The following TPTE variants were observed in gnomAD, a reference collection of about 807,000 sequenced individuals.
The protein encoded by TPTE is transmembrane phosphatase with tensin homology.
A neutral mutation model predicts 84.1 loss-of-function variants in TPTE; 59 were observed. The ratio of observed to expected loss-of-function variants is 0.70; its 90% CI spans 0.57 to 0.87. TPTE has a LOEUF of 0.87. Among genes scored for constraint, TPTE ranks in the 40% least tolerant of loss-of-function variants. The pLI is 0.00. For missense variants in TPTE, 382 were observed against 659.6 expected (o/e 0.58, Z 4.61); for synonymous variants, 130 against 223.5 (o/e 0.58, Z 3.73).
chr21:10,582,548 CTT>C (rs2075289276), intron 17 of TPTE, among the ~76,000 whole-genome samples: 1 of 152,304 alleles, frequency 6.6e-6, no homozygotes, highest in African/African-American at 2.4e-5. Flanking sequence ...GAAGTGACAA[CTT>C]TGCGATATTG....
chr21:10,527,157 T>TCACA (rs58743171), intron 2 of TPTE, among the ~76,000 whole-genome samples, 198 bp from the exon 3 acceptor site: 5,648 of 146,500 alleles, frequency 0.039, 3 homozygotes, highest in Admixed American at 0.11. Context: ...TCTCTCTCTC[T>TCACA]CACACACACA....
chr21:10,546,565 CAAAA>C (rs2074472216), intron 7 of TPTE, among the ~76,000 whole-genome samples: 1 of 152,292 alleles, frequency 6.6e-6, no homozygotes, highest in African/African-American at 2.4e-5. Context: ...AAAACAAAAA[CAAAA>C]CAAAACAGAA....
intron 7 of TPTE, among the ~76,000 whole-genome samples, chr21:10,548,121 T>G (rs1407737015): frequency 3.3e-5 from 5 of 152,200 alleles, no homozygotes; most frequent in Admixed American, 6.5e-5. Flanking sequence ...CACCACCGAG[T>G]GGGCCTTGCA....
intron 8 of TPTE, among the ~76,000 whole-genome samples, chr21:10,559,089 G>A (rs1568972802): frequency 1.3e-5 from 2 of 152,308 alleles, no homozygotes; most frequent in African/African-American, 4.8e-5. Flanking sequence ...TTATTTTATT[G>A]CAGTGGAAAC....
intron 3 of TPTE, among the ~76,000 whole-genome samples, chr21:10,536,003 C>T (rs1469806448): frequency 6.6e-6 from 1 of 152,306 alleles, no homozygotes; most frequent in African/African-American, 2.4e-5. Context: ...ACTGGCCAGG[C>T]ATGGTGGCTC....
In TPTE at chr21:10,542,378, C is replaced by A. The variant is rs1600871301; in HGVS notation, c.66-17C>A. On this transcript the variant is annotated splice_polypyrimidine_tract_variant and intron_variant, in intron 5 of 23. Coordinates refer to ENST00000618007, the MANE Select transcript of TPTE (RefSeq NM_199261.4). The stretch of plus-strand genomic sequence containing the variant: ...ATTATGTCTCCTCTCTGACTGTTTT[C>A]TCTTATCATCCACTAGTCCACAGAC... 1 of 1,610,280 alleles carries A rather than the reference C, an allele frequency of 6.2e-7. No individual in the cohort carries two copies. The highest frequency in any genetic ancestry group is 8.5e-7 in the Non-Finnish European group (1 of 1,177,296).
At chr21:10,531,670 GTTA>G (rs1250707873) in intron 3 of TPTE, among the ~76,000 whole-genome samples, 1 of 152,312 alleles carries the variant, frequency 6.6e-6, no homozygotes, top group African/African-American at 2.4e-5. Context: ...TCATCTGCCT[GTTA>G]GCTTTGGCAT....
intron 20 of TPTE, among the ~76,000 whole-genome samples, chr21:10,596,466 GA>G: frequency 6.6e-6 from 1 of 151,956 alleles, no homozygotes; most frequent in Non-Finnish European, 1.5e-5. Context: ...CTCTAGTTCA[GA>G]GTTTGCCTTG....
intron 4 of TPTE, among the ~76,000 whole-genome samples, chr21:10,539,441 C>T (rs576964764): frequency 4.7e-4 from 71 of 152,400 alleles, no homozygotes; most frequent in Middle Eastern, 3.4e-3. Flanking sequence ...AAAGACTTGA[C>T]GGAGAGATCC....
At chr21:10,530,730 C>T (rs1185669841) in intron 3 of TPTE, among the ~76,000 whole-genome samples, 1 of 152,310 alleles carries the variant, frequency 6.6e-6, no homozygotes, top group Non-Finnish European at 1.5e-5. Flanking sequence ...TGACTGAATA[C>T]TGCCTATTGC....
chr21:10,575,368 A>C (rs1180266777), intron 14 of TPTE, among the ~76,000 whole-genome samples: 7 of 152,302 alleles, frequency 4.6e-5, no homozygotes, highest in African/African-American at 1.4e-4. Context: ...TCTCTCCCTG[A>C]AATGGAGCTC....
chr21:10,556,686 C>T (rs1210627811), intron 8 of TPTE, among the ~76,000 whole-genome samples: 3 of 152,312 alleles, frequency 2.0e-5, no homozygotes, highest in Admixed American at 6.5e-5. Flanking sequence ...AGTTTCTCCA[C>T]ATCCTCTCCA....
intron 3 of TPTE, among the ~76,000 whole-genome samples, chr21:10,536,118 A>T (rs1393903957): frequency 6.6e-6 from 1 of 152,312 alleles, no homozygotes; most frequent in African/African-American, 2.4e-5. Context: ...TCTCTACTAA[A>T]AATACAAAAA....
chr21:10,552,844 G>T, intron 8 of TPTE, 128 bp downstream of exon 8: 1 of 1,514,182 alleles, frequency 6.6e-7, no homozygotes, highest in Non-Finnish European at 9.0e-7. Flanking sequence ...GTATGGGTGG[G>T]AGTGTACACC....
At chr21:10,542,744 AT>A (rs3049903) in intron 6 of TPTE, among the ~76,000 whole-genome samples, 69 of 149,968 alleles carry the variant, frequency 4.6e-4, no homozygotes, top group Middle Eastern at 3.5e-3. Flanking sequence ...GGCCATAGAG[AT>A]TTTTTTTTTT....
chr21:10,532,400 GATT>G (rs1206750195), intron 3 of TPTE, among the ~76,000 whole-genome samples: 2 of 152,416 alleles, frequency 1.3e-5, no homozygotes, highest in Admixed American at 1.3e-4. Flanking sequence ...GTTTGTTCTT[GATT>G]ATTATTGCCA....
At chr21:10,548,995 T>TA in intron 7 of TPTE, among the ~76,000 whole-genome samples, 1 of 152,312 alleles carries the variant, frequency 6.6e-6, no homozygotes, top group African/African-American at 2.4e-5. Flanking sequence ...ACCCACTCTA[T>TA]GCCTGCACAC....
intron 13 of TPTE, among the ~76,000 whole-genome samples, 153 bp downstream of exon 13, chr21:10,569,899 G>C (rs1201329702): frequency 6.6e-6 from 1 of 152,310 alleles, no homozygotes; most frequent in African/African-American, 2.4e-5. Context: ...TTGTGGTTTA[G>C]CCCTGGCAAT....
Position 10,592,388 on chromosome 21 carries a change from TA to T in TPTE, c.1170+20del. The T allele has an allele frequency of 6.2e-7, 1 of 1,611,490 alleles. No homozygotes were observed. Among genetic ancestry groups the T allele is most frequent in the Non-Finnish European group, 8.5e-7 (1 of 1,178,168 alleles). On this transcript the variant is annotated intron_variant, in intron 19 of 23. Coordinates refer to ENST00000618007, the MANE Select transcript of TPTE (RefSeq NM_199261.4). ...CTCCTTCTCAGGTAAGTTTTCTTTTTAAAAATGGGAGTTTTTTTAGGGGTGT... is the reference window on the plus strand; with the variant it reads ...CTCCTTCTCAGGTAAGTTTTCTTTTTAAAATGGGAGTTTTTTTAGGGGTGT...
Sources: gnomAD v4.1 joint callset for allele counts (sites outside exome capture counted in the v4.1 genomes callset) on GRCh38, gnomAD v4.1.1 for gene constraint, MANE v1.5 for transcripts, NCBI Gene and HGNC (gene_info 2026-07-23, HGNC 2026-07-21) for gene names.